The following EFCAB3 variants were observed in gnomAD, a reference collection of about 807,000 sequenced individuals.
The protein encoded by EFCAB3 is EF-hand calcium binding domain 3, also known as EF-hand calcium-binding domain-containing protein 3.
EFCAB3 carries 36 observed loss-of-function variants against 42.2 expected under a neutral mutation model. The observed-to-expected ratio is 0.85, with a 90% confidence interval of 0.65 to 1.13. EFCAB3 has a LOEUF of 1.13. Among genes scored for constraint, EFCAB3 ranks in the 50% most tolerant of loss-of-function variants. The pLI is 0.00. For missense variants in EFCAB3, 418 were observed against 505.1 expected (o/e 0.83, Z 1.65); for synonymous variants, 170 against 172.8 (o/e 0.98, Z 0.13).
chr17:62,396,629 G>A (rs998650866), intron 6 of EFCAB3, among the ~76,000 whole-genome samples: 8 of 151,718 alleles, frequency 5.3e-5, no homozygotes, highest in South Asian at 2.1e-4. Context: ...ACCATGGATC[G>A]CACCTGTAAT....
chr17:62,405,513 C>T (rs1021980087), intron 6 of EFCAB3, among the ~76,000 whole-genome samples: 1 of 152,156 alleles, frequency 6.6e-6, no homozygotes, highest in African/African-American at 2.4e-5. Context: ...GCTCTTCTGC[C>T]CAGAACACTG....
chr17:62,396,617 G>C (rs1040312890), intron 6 of EFCAB3, among the ~76,000 whole-genome samples: 1 of 151,446 alleles, frequency 6.6e-6, no homozygotes. Context: ...TTATAGCCAG[G>C]CACCATGGAT....
At chr17:62,398,115 A>C in intron 6 of EFCAB3, 1 of 297,892 alleles carries the variant, frequency 3.4e-6, no homozygotes, top group South Asian at 4.5e-5. Flanking sequence ...CCCTATACAA[A>C]GGCACGAAGG....
In EFCAB3 at chr17:62,407,119, C is replaced by G. The variant is rs761188729; in HGVS notation, c.774C>G (p.Phe258Leu). Residue 258 changes from phenylalanine (F) to leucine (L), a missense_variant, in exon 8 of 10, where the codon TTC (phenylalanine) becomes TTG (leucine). Physicochemically the swap from Phe to Leu is conservative, Grantham distance 22. Coordinates refer to ENST00000305286, the MANE Select transcript of EFCAB3 (RefSeq NM_173503.4). ...NVDGVVMGKP[F>L]KDMQKLEMLR... ...ATGGGGTGGTGATGGGAAAGCCATTCAAAGACATGCAGAAATTAGAGATGC... is the reference window on the plus strand; with the variant it reads ...ATGGGGTGGTGATGGGAAAGCCATTGAAAGACATGCAGAAATTAGAGATGC... 2.5e-6 allele frequency: 4 copies of G among 1,613,178 alleles called. No individual in the cohort carries two copies. Among genetic ancestry groups the G allele is most frequent in the South Asian group, 2.2e-5 (2 of 90,850 alleles).
chr17:62,384,871 A>G (rs1230330379), intron 2 of EFCAB3, among the ~76,000 whole-genome samples: 1 of 152,194 alleles, frequency 6.6e-6, no homozygotes, highest in Non-Finnish European at 1.5e-5. Flanking sequence ...TTTCACTTTC[A>G]GTACAGGAGT....
intron 4 of EFCAB3, among the ~76,000 whole-genome samples, 178 bp from the exon 5 acceptor site, chr17:62,393,395 G>T (rs2070320963): frequency 6.6e-6 from 1 of 152,218 alleles, no homozygotes; most frequent in South Asian, 2.1e-4. Flanking sequence ...GAGGACTGAT[G>T]TAATGGTGCT....
intron 4 of EFCAB3, among the ~76,000 whole-genome samples, chr17:62,392,830 G>A (rs557346413): frequency 1.3e-5 from 2 of 152,108 alleles, no homozygotes; most frequent in Non-Finnish European, 1.5e-5. Context: ...GTAGATACAG[G>A]GTTTCACCGT....
chr17:62,378,700 C>CT (rs1045303836), upstream of EFCAB3, among the ~76,000 whole-genome samples: 7 of 121,120 alleles, frequency 5.8e-5, no homozygotes, highest in African/African-American at 1.9e-4. Flanking sequence ...GAACTTGTCT[C>CT]TTTTTTAAAA....
chr17:62,401,243 G>A (rs1391552298), intron 6 of EFCAB3, among the ~76,000 whole-genome samples: 2 of 152,176 alleles, frequency 1.3e-5, no homozygotes, highest in African/African-American at 2.4e-5. Flanking sequence ...TAGGTTGCCT[G>A]TTCACTCTGG....
intron 1 of EFCAB3, 164 bp downstream of exon 1, chr17:62,380,777 CCAGCTCTGT>C (rs2070189809): frequency 4.7e-6 from 1 of 210,942 alleles, no homozygotes; most frequent in Non-Finnish European, 8.2e-6. Flanking sequence ...TCTGGTGTTC[CCAGCTCTGT>C]GGCAGGTTTT....
intron 5 of EFCAB3, among the ~76,000 whole-genome samples, chr17:62,394,233 G>A (rs1382542404): frequency 1.3e-5 from 2 of 152,172 alleles, no homozygotes; most frequent in African/African-American, 2.4e-5. Flanking sequence ...GATTACAGGC[G>A]TGAGCCACCA....
In EFCAB3 at chr17:62,393,005, A is replaced by C. The variant is rs187718999; in HGVS notation, c.296-568A>C. On this transcript the variant is annotated intron_variant, in intron 4 of 9. Coordinates refer to ENST00000305286, the MANE Select transcript of EFCAB3 (RefSeq NM_173503.4). Reference sequence around the variant, plus strand: ...GCCCAAACTGATATGCTGTGTGAAAAATATATTCAGCATATTATCTCCTCT... The same window carrying C: ...GCCCAAACTGATATGCTGTGTGAAACATATATTCAGCATATTATCTCCTCT... Among the ~76,000 whole-genome samples, 25 of 152,276 alleles carry C rather than the reference A, an allele frequency of 1.6e-4. No individual in the cohort carries two copies. The East Asian group carries it at 4.8e-3, about 29-fold the overall frequency.
chr17:62,395,111 A>C lies in EFCAB3; in HGVS notation c.411A>C (p.Gly137=). 6.2e-7 allele frequency: 1 copy of C among 1,614,138 alleles called. No individual in the cohort carries two copies. The highest frequency in any genetic ancestry group is 8.5e-7 in the Non-Finnish European group (1 of 1,180,016). ...GTTTAGATTTGGCTGGCAACCCAGG[A>C]ATCCTATTGTTTGAAATCCTATCAA... is the stretch of plus-strand genomic sequence containing the variant. The part of the protein sequence containing the change: ...ETCLDLAGNP[G]ILLFEILSRL... Residue 137 remains glycine, a synonymous_variant, in exon 6 of 10, where the codon GGA becomes GGC. Coordinates refer to ENST00000305286, the MANE Select transcript of EFCAB3 (RefSeq NM_173503.4).
At chr17:62,387,649 G>T (rs760611794) in intron 3 of EFCAB3, among the ~76,000 whole-genome samples, 1 of 151,834 alleles carries the variant, frequency 6.6e-6, no homozygotes, top group South Asian at 2.1e-4. Flanking sequence ...AGAACTTGTG[G>T]GTATGGAAAA....
chr17:62,380,188 G>A (rs1175616813), upstream of EFCAB3, among the ~76,000 whole-genome samples: 1 of 152,166 alleles, frequency 6.6e-6, no homozygotes, highest in Non-Finnish European at 1.5e-5. Context: ...TTTTAATAGA[G>A]ATGAGGGTTT....
Position 62,406,465 on chromosome 17 carries a change from C to A in EFCAB3, c.489-15C>A. ...TCTCTTTGTATCCATTTCTGAATTA[C>A]TTTTTTTTTTAAAGCTATTTCCAAA... On this transcript the variant is annotated splice_polypyrimidine_tract_variant and intron_variant, in intron 6 of 9. Coordinates refer to ENST00000305286, the MANE Select transcript of EFCAB3 (RefSeq NM_173503.4). The A allele has an allele frequency of 7.0e-7, 1 of 1,432,504 alleles. No homozygotes were observed. Among genetic ancestry groups the A allele is most frequent in the Admixed American group, 2.1e-5 (1 of 46,590 alleles). The allele number at this position is 1,432,504 out of a possible 1,614,324, so 88.7% of individuals were successfully genotyped here.
At chr17:62,397,482 A>C (rs1397053021) in intron 6 of EFCAB3, 4 of 562,176 alleles carry the variant, frequency 7.1e-6, no homozygotes, top group Non-Finnish European at 1.1e-5. Context: ...CAGTACAAGA[A>C]AGCCCATTTG....
intron 9 of EFCAB3, among the ~76,000 whole-genome samples, chr17:62,414,686 G>T (rs971298241): frequency 2.0e-5 from 3 of 152,066 alleles, no homozygotes; most frequent in Non-Finnish European, 4.4e-5. Flanking sequence ...TATTGCATGT[G>T]TCTCAGTTGA....
chr17:62,406,303 G>A (rs2070446824), intron 6 of EFCAB3, among the ~76,000 whole-genome samples, 177 bp from the exon 7 acceptor site: 1 of 152,100 alleles, frequency 6.6e-6, no homozygotes, highest in African/African-American at 2.4e-5. Context: ...GCCTGTGGAA[G>A]GTATCAGTAA....
Sources: gnomAD v4.1 joint callset for allele counts (sites outside exome capture counted in the v4.1 genomes callset) on GRCh38, gnomAD v4.1.1 for gene constraint, MANE v1.5 for transcripts, NCBI Gene and HGNC (gene_info 2026-07-23, HGNC 2026-07-21) for gene names.